SPRR2G: variants seen among roughly 807,000 people sequenced by gnomAD.
SPRR2G encodes the protein small proline rich protein 2G.
In SPRR2G, 1 loss-of-function variant was observed where a neutral mutation model predicts 0.7. The ratio of observed to expected loss-of-function variants is 1.49; its 90% confidence interval spans 0.53 to 7.06. The LOEUF (loss-of-function observed/expected upper bound fraction) is 7.06, where lower values mean the gene tolerates loss of function less well. SPRR2G is among the 30% of genes most tolerant of loss of function. The pLI is 0.14. For missense variants in SPRR2G, 96 were observed against 88.5 expected (o/e 1.09, Z -0.34); for synonymous variants, 38 against 33.9 (o/e 1.12, Z -0.42).
chr1:153,157,929 GA>G, the SPRR2G span, among the ~76,000 whole-genome samples: 1 of 135,360 alleles, frequency 7.4e-6, no homozygotes, highest in African/African-American at 2.7e-5. Flanking sequence ...AGGGGGGTGG[GA>G]GGGGGGCTGC....
At chr1:153,198,671 C>T in the SPRR2G span, among the ~76,000 whole-genome samples, 1 of 151,850 alleles carries the variant, frequency 6.6e-6, no homozygotes, top group Non-Finnish European at 1.5e-5. Context: ...AGAGTCGGAG[C>T]GCATAAGAGG....
the SPRR2G span, among the ~76,000 whole-genome samples, chr1:153,163,234 G>A: frequency 6.6e-6 from 1 of 152,178 alleles, no homozygotes; most frequent in African/African-American, 2.4e-5. Context: ...TGCATGGATT[G>A]TGTGTGATTT....
chr1:153,181,520 A>G, the SPRR2G span, among the ~76,000 whole-genome samples: 112 of 152,190 alleles, frequency 7.4e-4, no homozygotes, highest in Non-Finnish European at 1.1e-3. Flanking sequence ...CTATTTAACT[A>G]TATGTTTGTA....
the SPRR2G span, among the ~76,000 whole-genome samples, chr1:153,193,052 C>T: frequency 1.3e-5 from 2 of 152,010 alleles, no homozygotes; most frequent in Non-Finnish European, 2.9e-5. Flanking sequence ...TCCTTGTCCG[C>T]TGACCAGCCC....
At chr1:153,151,158 A>C (rs751161221), upstream of SPRR2G, among the ~76,000 whole-genome samples, 3 of 152,226 alleles carry the variant, frequency 2.0e-5, no homozygotes, top group Non-Finnish European at 2.9e-5. Flanking sequence ...CCCTATAATT[A>C]GAGATGGTGC....
the SPRR2G span, chr1:153,191,619 T>A: frequency 6.6e-6 from 1 of 152,168 alleles, no homozygotes; most frequent in African/African-American, 2.4e-5. Context: ...TGAAAAAATA[T>A]GAGTAAAAAA....
chr1:153,166,477 G>C, the SPRR2G span, among the ~76,000 whole-genome samples: 1 of 151,990 alleles, frequency 6.6e-6, no homozygotes, highest in African/African-American at 2.4e-5. Flanking sequence ...TTGTTCTCTT[G>C]GTCCCAAGGA....
At chr1:153,195,845 T>G in the SPRR2G span, among the ~76,000 whole-genome samples, 1 of 152,022 alleles carries the variant, frequency 6.6e-6, no homozygotes, top group Non-Finnish European at 1.5e-5. Context: ...GCTCCCACCC[T>G]GAGCACCCCA....
At chr1:153,173,396 G>C in the SPRR2G span, among the ~76,000 whole-genome samples, 7 of 152,126 alleles carry the variant, frequency 4.6e-5, no homozygotes, top group Non-Finnish European at 8.8e-5. Flanking sequence ...GTCCTACAGA[G>C]AGAGGGAAAT....
chr1:153,177,921 C>A, the SPRR2G span, among the ~76,000 whole-genome samples: 275 of 151,036 alleles, frequency 1.8e-3, 1 homozygote, highest in Non-Finnish European at 3.0e-3. Flanking sequence ...ATAAATAGAT[C>A]AATTTAAGAG....
At chr1:153,203,261 C>T in the SPRR2G span, among the ~76,000 whole-genome samples, 56 of 151,904 alleles carry the variant, frequency 3.7e-4, no homozygotes, top group Non-Finnish European at 6.9e-4. Flanking sequence ...GTTGAGGGGT[C>T]TAGGGAGGGG....
the SPRR2G span, among the ~76,000 whole-genome samples, chr1:153,180,467 T>C: frequency 3.9e-5 from 6 of 152,336 alleles, no homozygotes; most frequent in South Asian, 1.0e-3. Context: ...CATTGCTGTA[T>C]GGTATTTCTC....
the SPRR2G span, among the ~76,000 whole-genome samples, chr1:153,189,422 C>T: frequency 6.6e-6 from 1 of 151,418 alleles, no homozygotes; most frequent in East Asian, 1.9e-4. Flanking sequence ...GTTCATTTTA[C>T]CAAATAAAAT....
the SPRR2G span, among the ~76,000 whole-genome samples, chr1:153,169,163 C>T: frequency 1.3e-5 from 2 of 152,132 alleles, no homozygotes; most frequent in African/African-American, 4.8e-5. Flanking sequence ...TAAACAGAAA[C>T]CAGCCCTTTT....
the SPRR2G span, among the ~76,000 whole-genome samples, chr1:153,165,199 T>TGGAC: frequency 1.7e-4 from 25 of 151,000 alleles, no homozygotes; most frequent in East Asian, 3.9e-4. Flanking sequence ...GATGGATGGA[T>TGGAC]GGACGGACGG....
chr1:153,154,024 T>G (rs1656527023), upstream of SPRR2G, among the ~76,000 whole-genome samples: 1 of 152,272 alleles, frequency 6.6e-6, no homozygotes, highest in African/African-American at 2.4e-5. Context: ...GTTTTAATCA[T>G]GAAAAGATGT....
At chr1:153,188,069 C>T in the SPRR2G span, among the ~76,000 whole-genome samples, 5 of 152,222 alleles carry the variant, frequency 3.3e-5, no homozygotes, top group African/African-American at 9.6e-5. Context: ...CTACTCCTTC[C>T]TCTGGAAGTT....
the SPRR2G span, among the ~76,000 whole-genome samples, chr1:153,178,164 TA>T: frequency 2.0e-5 from 3 of 152,200 alleles, no homozygotes; most frequent in African/African-American, 7.2e-5. Context: ...TTGATTTCTA[TA>T]TATTGACCTT....
chr1:153,192,974 G>T, the SPRR2G span, among the ~76,000 whole-genome samples: 12,015 of 152,156 alleles, frequency 0.079, 508 homozygotes, highest in African/African-American at 0.11. Context: ...CACAAGGTGC[G>T]TCCTTTGTGA....
Sources: allele counts gnomAD v4.1 joint callset (sites outside exome capture counted in the v4.1 genomes callset), GRCh38; gene constraint gnomAD v4.1.1; transcripts MANE v1.5; gene names NCBI Gene and HGNC (gene_info 2026-07-23, HGNC 2026-07-21).